Variants in SUCLG2 observed in about 807,000 individuals in gnomAD.
SUCLG2 encodes succinate-CoA ligase GDP-forming subunit beta.
In SUCLG2, 42 loss-of-function variants were observed where a neutral mutation model predicts 47.9. That is an observed-to-expected ratio of 0.88 (90% CI 0.69 to 1.14). The LOEUF is 1.14. Among genes scored for constraint, SUCLG2 ranks in the 50% most tolerant of loss-of-function variants. SUCLG2 has a pLI of 0.00. For synonymous variants in SUCLG2, 195 were observed against 197.3 expected (o/e 0.99, Z 0.10); for missense variants, 571 against 525.9 (o/e 1.09, Z -0.84).
At chr3:67,429,404 G>A (rs560541852) in intron 9 of SUCLG2, among the ~76,000 whole-genome samples, 1 of 152,270 alleles carries the variant, frequency 6.6e-6, no homozygotes, top group South Asian at 2.1e-4. Context: ...CAAATGCTGA[G>A]ATTTTGTCAC....
chr3:67,487,473 C>T (rs1705083789), intron 9 of SUCLG2, among the ~76,000 whole-genome samples: 1 of 146,962 alleles, frequency 6.8e-6, no homozygotes, highest in South Asian at 2.2e-4. Context: ...TAAAACTGCC[C>T]ATTCCCTTGA....
At chr3:67,575,572 T>C (rs1324276285) in intron 2 of SUCLG2, among the ~76,000 whole-genome samples, 1 of 151,932 alleles carries the variant, frequency 6.6e-6, no homozygotes, top group Non-Finnish European at 1.5e-5. Flanking sequence ...TATGGGAGGG[T>C]GAAAATGTTC....
At chr3:67,541,256 C>T (rs1384830144) in intron 2 of SUCLG2, among the ~76,000 whole-genome samples, 1 of 152,142 alleles carries the variant, frequency 6.6e-6, no homozygotes, top group Non-Finnish European at 1.5e-5. Flanking sequence ...TAACAAACTC[C>T]TCTGAACTAA....
At position 67,534,768 on chromosome 3, in the gene SUCLG2, C is replaced by CAAAAAAAAAAAAAA. The variant is rs60612549; in HGVS notation, c.227-5596_227-5583dup. ...GGACAGAACTCCCTAACACTGATGG[C>CAAAAAAAAAAAAAA]AAAAAAAAAAAAAAAAAAAAAAAAA... On this transcript the variant is annotated intron_variant, in intron 2 of 10. Transcript: ENST00000307227. 7.7e-4 allele frequency among the ~76,000 whole-genome samples: 27 copies of CAAAAAAAAAAAAAA among 34,942 alleles called. 1 individual carries two copies. Among genetic ancestry groups the CAAAAAAAAAAAAAA allele is most frequent in the Admixed American group, 1.3e-3 (3 of 2,348 alleles). The allele number at this position is 34,942 out of a possible 152,430, so 22.9% of individuals were successfully genotyped here.
At chr3:67,429,255 A>G (rs900997303) in intron 9 of SUCLG2, among the ~76,000 whole-genome samples, 2 of 152,250 alleles carry the variant, frequency 1.3e-5, no homozygotes, top group Admixed American at 1.3e-4. Context: ...CTGATCTCTC[A>G]GCAGAAACTC....
At chr3:67,551,670 A>G (rs1251055359) in intron 2 of SUCLG2, among the ~76,000 whole-genome samples, 1 of 152,192 alleles carries the variant, frequency 6.6e-6, no homozygotes, top group East Asian at 1.9e-4. Context: ...CAGAGTGAGC[A>G]TACACAGCTA....
At chr3:67,558,955 A>G (rs2107211239) in intron 2 of SUCLG2, among the ~76,000 whole-genome samples, 1 of 152,300 alleles carries the variant, frequency 6.6e-6, no homozygotes, top group Admixed American at 6.5e-5. Flanking sequence ...GACCCTATTC[A>G]AGATAAGCAG....
chr3:67,593,499 C>T (rs1302488034), intron 2 of SUCLG2, among the ~76,000 whole-genome samples: 2 of 152,180 alleles, frequency 1.3e-5, no homozygotes, highest in Admixed American at 6.5e-5. Context: ...CAACAAGTCC[C>T]GAGCTGTCCA....
At chr3:67,537,153 C>A (rs1706567174) in intron 2 of SUCLG2, among the ~76,000 whole-genome samples, 1 of 152,114 alleles carries the variant, frequency 6.6e-6, no homozygotes, top group African/African-American at 2.4e-5. Context: ...ATCAACCAGT[C>A]ATCTACCTTA....
At chr3:67,609,985 T>C (rs1700499194) in intron 1 of SUCLG2, among the ~76,000 whole-genome samples, 1 of 152,186 alleles carries the variant, frequency 6.6e-6, no homozygotes, top group Non-Finnish European at 1.5e-5. Context: ...TTCCTTTGAG[T>C]CTACAAGTAT....
At chr3:67,446,417 ATTTTTTTTT>A (rs750956324) in intron 9 of SUCLG2, among the ~76,000 whole-genome samples, 6 of 32,194 alleles carry the variant, frequency 1.9e-4, no homozygotes, top group Admixed American at 6.1e-4. Context: ...ACATATGTAC[ATTTTTTTTT>A]TTTTTTTTTT....
At chr3:67,396,468 C>G (rs374437254) in intron 10 of SUCLG2, among the ~76,000 whole-genome samples, 10,925 of 152,042 alleles carry the variant, frequency 0.072, 398 homozygotes, top group Middle Eastern at 0.13. Context: ...CAAGACTAAA[C>G]CAGGAAGAAG....
intron 2 of SUCLG2, among the ~76,000 whole-genome samples, chr3:67,540,796 G>C (rs1247036859): frequency 3.3e-5 from 5 of 152,192 alleles, no homozygotes; most frequent in African/African-American, 9.7e-5. Flanking sequence ...ATACAGGAGA[G>C]CTCCGGCTGG....
intron 2 of SUCLG2, among the ~76,000 whole-genome samples, chr3:67,546,186 T>G (rs1193875120): frequency 2.6e-5 from 4 of 152,172 alleles, no homozygotes; most frequent in African/African-American, 9.7e-5. Flanking sequence ...TGGTATAAAT[T>G]TTACTTCTTG....
chr3:67,462,169 C>T (rs1704353079), intron 9 of SUCLG2, among the ~76,000 whole-genome samples: 1 of 152,152 alleles, frequency 6.6e-6, no homozygotes, highest in African/African-American at 2.4e-5. Flanking sequence ...AACAATCTCT[C>T]TCTCTCTCTC....
At chr3:67,652,287 T>C (rs1483861515) in intron 1 of SUCLG2, among the ~76,000 whole-genome samples, 2 of 152,332 alleles carry the variant, frequency 1.3e-5, no homozygotes, top group East Asian at 1.9e-4. Flanking sequence ...GTTAAAGTTA[T>C]TTCTCTAAGC....
At chr3:67,651,363 T>A (rs947953228) in intron 1 of SUCLG2, among the ~76,000 whole-genome samples, 1 of 152,166 alleles carries the variant, frequency 6.6e-6, no homozygotes, top group Non-Finnish European at 1.5e-5. Flanking sequence ...CAGCTCATTC[T>A]CATCTCAGTC....
chr3:67,639,532 A>G (rs1185195447), intron 1 of SUCLG2, among the ~76,000 whole-genome samples: 3 of 150,042 alleles, frequency 2.0e-5, no homozygotes, highest in Non-Finnish European at 4.4e-5. Flanking sequence ...TACTCCCAAG[A>G]GCAGCCCCGG....
At chr3:67,651,698 A>G (rs1276370235) in intron 1 of SUCLG2, among the ~76,000 whole-genome samples, 1 of 152,184 alleles carries the variant, frequency 6.6e-6, no homozygotes, top group Non-Finnish European at 1.5e-5. Context: ...CTGGGTTTGC[A>G]TTCAGTTTAT....
Sources: gnomAD v4.1 joint callset for allele counts (sites outside exome capture counted in the v4.1 genomes callset) on GRCh38, gnomAD v4.1.1 for gene constraint, MANE v1.5 for transcripts, NCBI Gene and HGNC (gene_info 2026-07-23, HGNC 2026-07-21) for gene names.